Variants in NBAS observed in about 807,000 individuals in gnomAD.
The protein encoded by NBAS is NBAS subunit of NRZ tethering complex, also known as NAG/BC035112 fusion.
NBAS carries 219 observed loss-of-function variants against 302.5 expected under a neutral mutation model. The ratio of observed to expected loss-of-function variants is 0.72; its 90% CI spans 0.65 to 0.81. The LOEUF is 0.81. Among genes scored for constraint, NBAS ranks in the 30% least tolerant of loss-of-function variants. NBAS has a pLI of 0.00. For missense variants in NBAS, 2,932 were observed against 2,841.6 expected, an observed-to-expected ratio of 1.03 and a Z score of -0.72; for synonymous variants, 1,118 against 1,021.6, an observed-to-expected ratio of 1.09 and a Z score of -1.80.
At chr2:14,794,151 T>C in the NBAS span, among the ~76,000 whole-genome samples, 3 of 152,174 alleles carry the variant, frequency 2.0e-5, no homozygotes, top group Non-Finnish European at 2.9e-5. Flanking sequence ...TTCCCCCTCC[T>C]TCCCCCTTAC....
At chr2:15,206,164 T>A (rs554939099) in intron 48 of NBAS, among the ~76,000 whole-genome samples, 1 of 152,256 alleles carries the variant, frequency 6.6e-6, no homozygotes, top group Admixed American at 6.5e-5. Flanking sequence ...TGGTCTCAGA[T>A]GGAGATGAGG....
the NBAS span, among the ~76,000 whole-genome samples, chr2:14,969,503 G>C: frequency 1.3e-5 from 2 of 151,810 alleles, no homozygotes; most frequent in South Asian, 4.2e-4. Flanking sequence ...CAGCCTCCTG[G>C]GTAGCTGGGA....
At chr2:15,089,141 G>C in the NBAS span, among the ~76,000 whole-genome samples, 1 of 152,064 alleles carries the variant, frequency 6.6e-6, no homozygotes, top group African/African-American at 2.4e-5. Context: ...AACACTTCAT[G>C]AATTTTATTT....
chr2:14,834,457 T>C, the NBAS span, among the ~76,000 whole-genome samples: 1 of 152,168 alleles, frequency 6.6e-6, no homozygotes, highest in Admixed American at 6.6e-5. Context: ...GGTGACATTT[T>C]CTGCCTCTGA....
the NBAS span, among the ~76,000 whole-genome samples, chr2:15,053,418 G>A: frequency 6.6e-6 from 1 of 152,186 alleles, no homozygotes; most frequent in Non-Finnish European, 1.5e-5. Flanking sequence ...CCTTGAACCA[G>A]GTCTAAGCCT....
chr2:15,137,543 A>G, the NBAS span, among the ~76,000 whole-genome samples: 1 of 152,340 alleles, frequency 6.6e-6, no homozygotes, highest in East Asian at 1.9e-4. Context: ...GCAATATACA[A>G]GTCCAGGCAG....
chr2:15,239,834 A>T lies in NBAS; in HGVS notation c.5725-1148T>A, dbSNP rs569966848. 5.3e-5 allele frequency among the ~76,000 whole-genome samples: 8 copies of T among 151,972 alleles called. No homozygotes were observed. In the South Asian group the frequency reaches 1.7e-3, roughly 32 times the overall value. On this transcript the variant is annotated intron_variant, in intron 44 of 51. Coordinates refer to ENST00000281513, the MANE Select transcript of NBAS (RefSeq NM_015909.4). ...ATCAGATTCCTGTATACTGTGTTAG[A>T]TATATGGGAGTTATATTTTTCTAAT... is the stretch of plus-strand genomic sequence containing the variant.
At chr2:14,946,565 G>C in the NBAS span, among the ~76,000 whole-genome samples, 1 of 152,014 alleles carries the variant, frequency 6.6e-6, no homozygotes, top group Non-Finnish European at 1.5e-5. Context: ...AATCTAAAGG[G>C]AAAAGTATAC....
At position 15,556,489 on chromosome 2, in the gene NBAS, G is replaced by A. The variant is rs59719362; in HGVS notation, c.209+294C>T. 4.6e-3 allele frequency among the ~76,000 whole-genome samples: 699 copies of A among 152,232 alleles called. 11 individuals are homozygous for A. The highest frequency in any genetic ancestry group is 0.015 in the African/African-American group (643 of 41,540). Reference sequence around the variant, plus strand: ...AAAAATGTATTTTAAAAGATATGCAGGCTACAGATGCTTCATATGGACATT... The same window carrying A: ...AAAAATGTATTTTAAAAGATATGCAAGCTACAGATGCTTCATATGGACATT... On this transcript the variant is annotated intron_variant, in intron 3 of 51. Transcript: ENST00000281513.
At chr2:15,004,174 G>A in the NBAS span, among the ~76,000 whole-genome samples, 1 of 152,210 alleles carries the variant, frequency 6.6e-6, no homozygotes, top group Admixed American at 6.5e-5. Flanking sequence ...GTAGAAAATC[G>A]TTTCTTTACT....
rs892054316 is a variant in NBAS at position 15,383,244 on chromosome 2, T to G, written c.3331A>C (p.Thr1111Pro). The change falls in exon 29 of 52, where the codon ACA becomes CCA. Residue 1111 changes from threonine to proline, a missense_variant. Coordinates refer to ENST00000281513, the MANE Select transcript of NBAS (RefSeq NM_015909.4). ...TAGCAGGCATCAGAATCTAGACATG[T>G]GTATACATTCTGCTGCATAGTTAAC... The part of the protein sequence containing the change: ...DMLTMQQNVY[T>P]CLDSDACYEI... 1 of 1,613,924 alleles carries G rather than the reference T, an allele frequency of 6.2e-7. No homozygotes were observed. Among genetic ancestry groups the G allele is most frequent in the African/African-American group, 1.3e-5 (1 of 74,916 alleles).
At chr2:15,276,198 A>G (rs1379359101) in intron 43 of NBAS, among the ~76,000 whole-genome samples, 1 of 152,300 alleles carries the variant, frequency 6.6e-6, no homozygotes, top group East Asian at 1.9e-4. Flanking sequence ...AGTTACTTGA[A>G]GGCAAGGATT....
At chr2:15,028,256 A>G in the NBAS span, among the ~76,000 whole-genome samples, 1 of 152,190 alleles carries the variant, frequency 6.6e-6, no homozygotes, top group East Asian at 1.9e-4. Context: ...TGGTATGAAT[A>G]AGAATCGTCT....
chr2:15,256,074 T>C (rs1183844260), intron 44 of NBAS, among the ~76,000 whole-genome samples: 1 of 152,188 alleles, frequency 6.6e-6, no homozygotes, highest in Admixed American at 6.5e-5. Context: ...AGGATTTTTT[T>C]TCTAGTTCTG....
the NBAS span, among the ~76,000 whole-genome samples, chr2:15,100,387 G>A: frequency 6.6e-6 from 1 of 152,176 alleles, no homozygotes; most frequent in African/African-American, 2.4e-5. Flanking sequence ...TCAGTTGTAG[G>A]CAGGCTGTCA....
chr2:14,842,356 A>T, the NBAS span, among the ~76,000 whole-genome samples: 1 of 152,008 alleles, frequency 6.6e-6, no homozygotes, highest in African/African-American at 2.4e-5. Flanking sequence ...GAGACTAAAA[A>T]ATGCAGAAGT....
chr2:15,297,307 C>T (rs1193618054), intron 40 of NBAS, among the ~76,000 whole-genome samples: 1 of 152,182 alleles, frequency 6.6e-6, no homozygotes, highest in Admixed American at 6.5e-5. Flanking sequence ...ATACAAGGCT[C>T]TTGATTGGAC....
chr2:14,858,055 T>G, the NBAS span, among the ~76,000 whole-genome samples: 1 of 151,900 alleles, frequency 6.6e-6, no homozygotes, highest in Non-Finnish European at 1.5e-5. Flanking sequence ...ATAAAAATGG[T>G]AAACAGGTAG....
At chr2:15,080,577 G>T in the NBAS span, among the ~76,000 whole-genome samples, 1 of 152,240 alleles carries the variant, frequency 6.6e-6, no homozygotes, top group African/African-American at 2.4e-5. Context: ...TATGGATCAA[G>T]AACTTGAGCA....
Sources: gnomAD v4.1 joint callset for allele counts (sites outside exome capture counted in the v4.1 genomes callset) on GRCh38, gnomAD v4.1.1 for gene constraint, MANE v1.5 for transcripts, NCBI Gene and HGNC (gene_info 2026-07-23, HGNC 2026-07-21) for gene names.